The following MECOM variants were observed in gnomAD, a reference collection of about 807,000 sequenced individuals.
MECOM encodes histone-lysine N-methyltransferase MECOM.
Under a neutral mutation model 116.3 loss-of-function variants are expected in MECOM, and 13 were observed. The observed-to-expected ratio is 0.11, with a 90% CI of 0.07 to 0.18. MECOM has a LOEUF of 0.18. Ranked by LOEUF, MECOM falls within the 10% of genes least tolerant of loss-of-function variation. The pLI is 1.00. For synonymous variants in MECOM, 528 were observed against 535.2 expected (o/e 0.99, Z 0.19); for missense variants, 1,299 against 1,509.0 (o/e 0.86, Z 2.31).
intron 1 of MECOM, among the ~76,000 whole-genome samples, chr3:169,580,865 T>C (rs1174438957): frequency 6.6e-6 from 1 of 152,198 alleles, no homozygotes; most frequent in African/African-American, 2.4e-5. Context: ...AAATGTCGTA[T>C]TGACAACTAG....
chr3:169,592,554 C>T (rs1435588760), intron 1 of MECOM, among the ~76,000 whole-genome samples: 2 of 152,182 alleles, frequency 1.3e-5, no homozygotes, highest in Non-Finnish European at 2.9e-5. Flanking sequence ...TGCCCAATGC[C>T]CAGTTTAGGT....
intron 10 of MECOM, 76 bp from the exon 11 acceptor site, chr3:169,102,302 A>G (rs1367565443): frequency 1.1e-5 from 16 of 1,400,530 alleles, no homozygotes; most frequent in South Asian, 1.1e-4. Context: ...AACCAAGGAC[A>G]TCATTAAAAG....
At chr3:169,480,327 C>A (rs1354899269) in intron 1 of MECOM, among the ~76,000 whole-genome samples, 1 of 151,506 alleles carries the variant, frequency 6.6e-6, no homozygotes, top group African/African-American at 2.4e-5. Context: ...AATCTGAGTT[C>A]TTCAAGTACT....
chr3:169,370,554 A>C (rs1333703196), intron 2 of MECOM, among the ~76,000 whole-genome samples: 2 of 152,032 alleles, frequency 1.3e-5, no homozygotes, highest in African/African-American at 4.8e-5. Flanking sequence ...AAATTTCTGC[A>C]AAGCAAAGGA....
chr3:169,519,800 C>T (rs1445065248), intron 1 of MECOM, among the ~76,000 whole-genome samples: 1 of 152,264 alleles, frequency 6.6e-6, no homozygotes, highest in African/African-American at 2.4e-5. Context: ...TGCTCAGCAT[C>T]CATTCTCCAA....
At chr3:169,394,508 A>G (rs915317357) in intron 1 of MECOM, among the ~76,000 whole-genome samples, 2 of 152,200 alleles carry the variant, frequency 1.3e-5, no homozygotes, top group East Asian at 3.8e-4. Flanking sequence ...GAGGATTGTG[A>G]AACAAAGGGG....
chr3:169,349,577 C>T (rs1415117424), intron 2 of MECOM, among the ~76,000 whole-genome samples: 2 of 151,854 alleles, frequency 1.3e-5, no homozygotes, highest in Non-Finnish European at 2.9e-5. Flanking sequence ...CAAATTGCCC[C>T]ACCTCATTTC....
intron 1 of MECOM, among the ~76,000 whole-genome samples, chr3:169,520,298 T>C (rs1388033088): frequency 1.3e-5 from 2 of 152,234 alleles, no homozygotes; most frequent in Admixed American, 1.3e-4. Context: ...AAATTTGAAT[T>C]GGGCATTTTT....
At chr3:169,333,351 G>A (rs1444058090) in intron 2 of MECOM, among the ~76,000 whole-genome samples, 2 of 152,098 alleles carry the variant, frequency 1.3e-5, no homozygotes, top group Non-Finnish European at 2.9e-5. Flanking sequence ...GGAGAAAATA[G>A]CCACTGTATT....
In MECOM at chr3:169,494,710, G is replaced by A. The variant is rs1165142127; in HGVS notation, c.38-113186C>T. Among the ~76,000 whole-genome samples the A allele has an allele frequency of 2.6e-5, 4 of 152,180 alleles. No homozygotes were observed. In the East Asian group the frequency reaches 7.7e-4, roughly 29 times the overall value. Reference sequence around the variant, plus strand: ...TTCAAGGGAAGGTAGAGGACAGTGAGGGACCCTGGAGCATCTGTATTTTGT... The same window carrying A: ...TTCAAGGGAAGGTAGAGGACAGTGAAGGACCCTGGAGCATCTGTATTTTGT... On this transcript the variant is annotated intron_variant, in intron 1 of 16. Transcript: ENST00000651503.
chr3:169,468,494 T>C (rs1444149614), intron 1 of MECOM, among the ~76,000 whole-genome samples: 2 of 151,928 alleles, frequency 1.3e-5, no homozygotes, highest in African/African-American at 2.4e-5. Flanking sequence ...ATTTGTCTTA[T>C]TTACTTTCCC....
chr3:169,623,339 A>G (rs1770977123), intron 1 of MECOM, among the ~76,000 whole-genome samples: 1 of 152,202 alleles, frequency 6.6e-6, no homozygotes, highest in Non-Finnish European at 1.5e-5. Context: ...TTACTAAATG[A>G]TAACACTTCA....
chr3:169,451,125 A>C (rs1407243014), intron 1 of MECOM, among the ~76,000 whole-genome samples: 1 of 152,180 alleles, frequency 6.6e-6, no homozygotes, highest in African/African-American at 2.4e-5. Flanking sequence ...GCCCTTCAAC[A>C]GGGATAAAAC....
chr3:169,398,259 A>G (rs780017607), intron 1 of MECOM, among the ~76,000 whole-genome samples: 46 of 152,310 alleles, frequency 3.0e-4, no homozygotes, highest in Non-Finnish European at 5.4e-4. Flanking sequence ...TATATGCACG[A>G]ACATTAGTGC....
intron 1 of MECOM, among the ~76,000 whole-genome samples, chr3:169,424,382 G>T (rs989791619): frequency 2.6e-5 from 4 of 152,098 alleles, no homozygotes; most frequent in African/African-American, 9.7e-5. Flanking sequence ...AGCTTTCAAA[G>T]TTTTTCTGAT....
Position 169,090,073 on chromosome 3 carries a change from G to A in MECOM, c.3328C>T (p.His1110Tyr), listed in dbSNP as rs1437451735. The change falls in exon 15 of 17, where the codon CAT becomes TAT. Residue 1110 changes from histidine to tyrosine, a missense_variant. Transcript: ENST00000651503. The stretch of plus-strand genomic sequence containing the variant: ...TAGTCATCCTCAGGGTTTCCTTCAT[G>A]TAAATTACTTGTCACTGGTTCCTTT... ...TGKEPVTSNL[H>Y]EGNPEDDYEE... 6.2e-7 allele frequency: 1 copy of A among 1,613,512 alleles called. No individual in the cohort carries two copies. Among genetic ancestry groups the A allele is most frequent in the East Asian group, 2.2e-5 (1 of 44,856 alleles).
At chr3:169,489,518 G>A (rs1032233600) in intron 1 of MECOM, among the ~76,000 whole-genome samples, 1 of 152,136 alleles carries the variant, frequency 6.6e-6, no homozygotes, top group African/African-American at 2.4e-5. Context: ...TTTTAAAAAA[G>A]TGTTTGTGGC....
intron 2 of MECOM, among the ~76,000 whole-genome samples, chr3:169,286,661 T>C (rs1181036197): frequency 6.6e-6 from 1 of 152,222 alleles, no homozygotes; most frequent in Non-Finnish European, 1.5e-5. Flanking sequence ...TAGAAAGGAT[T>C]GTTGCTATAT....
chr3:169,473,906 A>G (rs1749947951), intron 1 of MECOM, among the ~76,000 whole-genome samples: 1 of 114,104 alleles, frequency 8.8e-6, no homozygotes, highest in Non-Finnish European at 1.7e-5. Context: ...ATCTATAGAT[A>G]GATAGATAGA....
Sources: gnomAD v4.1 joint callset for allele counts (sites outside exome capture counted in the v4.1 genomes callset) on GRCh38, gnomAD v4.1.1 for gene constraint, MANE v1.5 for transcripts, NCBI Gene and HGNC (gene_info 2026-07-23, HGNC 2026-07-21) for gene names.